The following CIMIP2C variants were observed in gnomAD, a reference collection of about 807,000 sequenced individuals.
CIMIP2C encodes the protein ciliary microtubule inner protein 2C, also known as UPF0573 protein C2orf70.
chr2:26,571,284 C>G, the CIMIP2C span, among the ~76,000 whole-genome samples: 1 of 152,178 alleles, frequency 6.6e-6, no homozygotes, highest in African/African-American at 2.4e-5. Context: ...GGGGCTCCCC[C>G]TGCCCTGGGA....
At chr2:26,576,031 C>G in the CIMIP2C span, 1 of 1,614,238 alleles carries the variant, frequency 6.2e-7, no homozygotes, top group Non-Finnish European at 8.5e-7. Context: ...GCCAAGGCGG[C>G]CATTTCCCCA....
At chr2:26,573,536 C>G in the CIMIP2C span, among the ~76,000 whole-genome samples, 1 of 152,062 alleles carries the variant, frequency 6.6e-6, no homozygotes, top group Non-Finnish European at 1.5e-5. Flanking sequence ...GGAGTGGCGC[C>G]CAGGCCGGGA....
At chr2:26,564,284 A>G in the CIMIP2C span, among the ~76,000 whole-genome samples, 28 of 152,312 alleles carry the variant, frequency 1.8e-4, no homozygotes, top group African/African-American at 6.5e-4. Flanking sequence ...GACATTTCCC[A>G]TCTGAGGGGC....
chr2:26,569,273 G>A, the CIMIP2C span, among the ~76,000 whole-genome samples: 10 of 152,256 alleles, frequency 6.6e-5, no homozygotes, highest in East Asian at 1.9e-3. Context: ...TTGCCAGAAG[G>A]ATGTTCTTTC....
At chr2:26,562,650 T>C in the CIMIP2C span, 1 of 1,586,806 alleles carries the variant, frequency 6.3e-7, no homozygotes, top group Non-Finnish European at 8.6e-7. Flanking sequence ...CTGACCGAGT[T>C]CAATGCCGCC....
At chr2:26,575,324 C>A in the CIMIP2C span, among the ~76,000 whole-genome samples, 2 of 152,194 alleles carry the variant, frequency 1.3e-5, no homozygotes, top group African/African-American at 4.8e-5. Flanking sequence ...ACTGACCGGG[C>A]CCCCCACCCA....
the CIMIP2C span, among the ~76,000 whole-genome samples, chr2:26,571,003 T>G: frequency 6.6e-6 from 1 of 151,916 alleles, no homozygotes; most frequent in Admixed American, 6.6e-5. Context: ...AGGTGGAGGT[T>G]GGAGGGGGCA....
the CIMIP2C span, chr2:26,577,403 T>C: frequency 1.0e-6 from 1 of 960,530 alleles, no homozygotes; most frequent in East Asian, 2.6e-5. Flanking sequence ...TCCGGGGGCA[T>C]TAGGGGAGGT....
the CIMIP2C span, among the ~76,000 whole-genome samples, chr2:26,564,811 G>A: frequency 2.0e-5 from 3 of 152,118 alleles, no homozygotes; most frequent in Admixed American, 2.0e-4. Context: ...ATTCATGCTG[G>A]TGTGGACCTC....
At chr2:26,562,967 G>A in the CIMIP2C span, 1 of 468,372 alleles carries the variant, frequency 2.1e-6, no homozygotes, top group Non-Finnish European at 3.8e-6. Context: ...GGATGTAGCC[G>A]GGGAAGGGGG....
chr2:26,576,148 C>G, the CIMIP2C span: 1 of 1,614,020 alleles, frequency 6.2e-7, no homozygotes, highest in Non-Finnish European at 8.5e-7. Flanking sequence ...ACAGCCATCG[C>G]TCCACAGAGC....
chr2:26,565,177 C>T, the CIMIP2C span, among the ~76,000 whole-genome samples: 1 of 151,836 alleles, frequency 6.6e-6, no homozygotes, highest in Non-Finnish European at 1.5e-5. Context: ...GCAACCTCTG[C>T]CTCCTGGGTT....
the CIMIP2C span, among the ~76,000 whole-genome samples, chr2:26,567,643 C>T: frequency 6.6e-6 from 1 of 152,232 alleles, no homozygotes; most frequent in Non-Finnish European, 1.5e-5. Context: ...TCAACCCAGG[C>T]CCTGGCACCC....
the CIMIP2C span, among the ~76,000 whole-genome samples, chr2:26,576,638 G>A: frequency 1.3e-5 from 2 of 152,170 alleles, no homozygotes; most frequent in African/African-American, 4.8e-5. Context: ...TTATCCACCT[G>A]TGTCCTGGAG....
chr2:26,568,378 C>G, the CIMIP2C span, among the ~76,000 whole-genome samples: 3 of 152,202 alleles, frequency 2.0e-5, no homozygotes, highest in African/African-American at 7.2e-5. Flanking sequence ...ACCTCTGCCC[C>G]AAGGCCAGCC....
chr2:26,577,328 G>A, the CIMIP2C span, among the ~76,000 whole-genome samples: 5 of 152,310 alleles, frequency 3.3e-5, no homozygotes, highest in African/African-American at 7.2e-5. Context: ...ATGAGAAGTC[G>A]TGACTCAGTG....
chr2:26,564,383 A>G, the CIMIP2C span, among the ~76,000 whole-genome samples: 2 of 152,186 alleles, frequency 1.3e-5, no homozygotes, highest in African/African-American at 4.8e-5. Flanking sequence ...AGCAGTCCCC[A>G]GGGTGCTTTC....
chr2:26,577,963 C>T, the CIMIP2C span: 3 of 319,076 alleles, frequency 9.4e-6, no homozygotes, highest in South Asian at 4.2e-5. Flanking sequence ...CTAGTCCTAA[C>T]GTGGGCGCCG....
the CIMIP2C span, among the ~76,000 whole-genome samples, chr2:26,566,192 A>G: frequency 1.3e-5 from 2 of 152,170 alleles, no homozygotes; most frequent in Non-Finnish European, 2.9e-5. Flanking sequence ...CCCCATGCCC[A>G]CAGCTCCTGC....
Sources: allele counts gnomAD v4.1 joint callset (sites outside exome capture counted in the v4.1 genomes callset), GRCh38; gene constraint gnomAD v4.1.1; transcripts MANE v1.5; gene names NCBI Gene and HGNC (gene_info 2026-07-23, HGNC 2026-07-21).